The following CCDC73 variants were observed in gnomAD, a reference collection of about 807,000 sequenced individuals.
The protein encoded by CCDC73 is coiled-coil domain-containing protein 73.
A neutral mutation model predicts 116.5 loss-of-function variants in CCDC73; 95 were observed. That is an observed-to-expected ratio of 0.82 (90% confidence interval 0.69 to 0.97). CCDC73 has a LOEUF of 0.97. CCDC73 is among the 50% of genes least tolerant of loss of function. CCDC73 has a pLI of 0.00. For synonymous variants in CCDC73, 398 were observed against 401.3 expected, an observed-to-expected ratio of 0.99 and a Z score of 0.10; for missense variants, 1,066 against 1,206.8, an observed-to-expected ratio of 0.88 and a Z score of 1.73.
At chr11:32,781,799 T>C (rs1441482081) in intron 1 of CCDC73, among the ~76,000 whole-genome samples, 1 of 152,206 alleles carries the variant, frequency 6.6e-6, no homozygotes, top group Non-Finnish European at 1.5e-5. Context: ...CAGATAGCTC[T>C]TGAGGCAGCA....
chr11:32,773,423 C>A (rs1202371602), intron 1 of CCDC73, among the ~76,000 whole-genome samples: 1 of 151,958 alleles, frequency 6.6e-6, no homozygotes, highest in Non-Finnish European at 1.5e-5. Context: ...ATGAGTCAAC[C>A]ATATGATATG....
At chr11:32,653,803 T>C (rs962261375) in intron 11 of CCDC73, among the ~76,000 whole-genome samples, 175 bp downstream of exon 11, 9 of 152,094 alleles carry the variant, frequency 5.9e-5, no homozygotes, top group Non-Finnish European at 1.0e-4. Context: ...AGGAAAAAAC[T>C]AAGGTATTTT....
chr11:32,721,276 C>T (rs1351549423), intron 2 of CCDC73, among the ~76,000 whole-genome samples: 4 of 152,104 alleles, frequency 2.6e-5, no homozygotes. Context: ...CTGCCTGCCT[C>T]GGCCTCCCAA....
the CCDC73 span, among the ~76,000 whole-genome samples, chr11:32,807,364 C>A: frequency 6.6e-6 from 1 of 152,310 alleles, no homozygotes; most frequent in African/African-American, 2.4e-5. Flanking sequence ...AAAGGAAAAT[C>A]TCTAGACCCA....
At position 32,614,837 on chromosome 11, in the gene CCDC73, T is replaced by G. The variant is rs969847284; in HGVS notation, c.1481A>C (p.Lys494Thr). 2.0e-5 allele frequency: 32 copies of G among 1,613,118 alleles called. No individual in the cohort carries two copies. Among genetic ancestry groups the G allele is most frequent in the Non-Finnish European group, 2.7e-5 (32 of 1,179,540 alleles). ...GGTTTGTCCTTGACTAATTACTTCTTTATCTAAGGAGAGGGTTTTGCTTAA... is the reference window on the plus strand; with the variant it reads ...GGTTTGTCCTTGACTAATTACTTCTGTATCTAAGGAGAGGGTTTTGCTTAA... ...ISLSKTLSLD[K>T]EVISQGQTSN... The change falls in exon 16 of 18, where the codon AAA becomes ACA. Residue 494 changes from lysine to threonine, a missense_variant. Lys to Thr is a moderately conservative substitution (Grantham distance 78, BLOSUM62 -1). Coordinates refer to ENST00000335185, the MANE Select transcript of CCDC73 (RefSeq NM_001008391.4).
At chr11:32,663,084 A>C (rs936826908) in intron 9 of CCDC73, among the ~76,000 whole-genome samples, 35 of 152,288 alleles carry the variant, frequency 2.3e-4, no homozygotes, top group African/African-American at 7.2e-4. Flanking sequence ...TGTTTTGGTT[A>C]CTGTAGCCTT....
intron 5 of CCDC73, among the ~76,000 whole-genome samples, chr11:32,699,861 C>T (rs1183157576): frequency 3.4e-5 from 4 of 116,704 alleles, no homozygotes; most frequent in South Asian, 3.1e-4. Context: ...CACATGTACC[C>T]TAGAACTTAG....
chr11:32,683,229 C>T lies in CCDC73; in HGVS notation c.429+307G>A, dbSNP rs572588548. The T allele has an allele frequency of 7.9e-4, 272 of 345,130 alleles. 1 individual carries two copies. Among genetic ancestry groups the T allele is most frequent in the African/African-American group, 5.6e-3 (257 of 45,506 alleles). 21.4% of individuals were successfully genotyped at this position (345,130 alleles called of 1,614,324 possible). A position where few individuals can be genotyped will look rare whatever the true frequency, so the allele number is the denominator to read the frequency against. ...CTAAAGTCCAAAATACTCCAATGAG[C>T]ATTTTCTTAGAGCATCATGTTGACA... On this transcript the variant is annotated intron_variant, in intron 7 of 17. Transcript: ENST00000335185.
chr11:32,666,547 G>A (rs766874857), intron 9 of CCDC73, among the ~76,000 whole-genome samples: 1 of 152,106 alleles, frequency 6.6e-6, no homozygotes, highest in Non-Finnish European at 1.5e-5. Context: ...GGTTATTCTA[G>A]TTAGCCATTC....
upstream of CCDC73, among the ~76,000 whole-genome samples, chr11:32,798,343 G>A (rs1850740641): frequency 6.6e-6 from 1 of 152,252 alleles, no homozygotes; most frequent in South Asian, 2.1e-4. Flanking sequence ...ACGCAGGCTG[G>A]AGTGCAGTGG....
At chr11:32,829,855 C>A in the CCDC73 span, 1 of 985,422 alleles carries the variant, frequency 1.0e-6, no homozygotes, top group Non-Finnish European at 1.2e-6. Flanking sequence ...CCCGCCCGCT[C>A]GCCGCAGGTA....
intron 3 of CCDC73, among the ~76,000 whole-genome samples, chr11:32,707,492 T>C (rs927181964): frequency 2.0e-5 from 3 of 152,042 alleles, no homozygotes; most frequent in African/African-American, 7.2e-5. Flanking sequence ...GTCAAAAATT[T>C]ACCTGGATAG....
At chr11:32,776,933 A>AT (rs1333197939) in intron 1 of CCDC73, among the ~76,000 whole-genome samples, 52 of 26,676 alleles carry the variant, frequency 1.9e-3, no homozygotes, top group South Asian at 0.01. Context: ...GTTAAAAAAA[A>AT]AAAATATATA....
At chr11:32,679,906 C>T (rs956354536) in intron 7 of CCDC73, 1 of 152,202 alleles carries the variant, frequency 6.6e-6, no homozygotes, top group Non-Finnish European at 1.5e-5. Context: ...TTCTGATACA[C>T]TCTTCCAACA....
chr11:32,732,926 C>G (rs1199312030), intron 2 of CCDC73, among the ~76,000 whole-genome samples: 1 of 152,106 alleles, frequency 6.6e-6, no homozygotes, highest in Non-Finnish European at 1.5e-5. Context: ...TGACATTAAC[C>G]TTAAATGTAA....
At chr11:32,657,835 T>C (rs535002414) in intron 9 of CCDC73, among the ~76,000 whole-genome samples, 1 of 152,066 alleles carries the variant, frequency 6.6e-6, no homozygotes, top group African/African-American at 2.4e-5. Context: ...ACCCTGTCTC[T>C]AAATAAATAA....
intron 12 of CCDC73, among the ~76,000 whole-genome samples, chr11:32,651,282 C>T (rs925778803): frequency 6.6e-6 from 1 of 152,154 alleles, no homozygotes; most frequent in African/African-American, 2.4e-5. Context: ...CTGCAGACCC[C>T]CACCAAGTCA....
intron 9 of CCDC73, among the ~76,000 whole-genome samples, chr11:32,669,771 ATGT>A (rs1856019427): frequency 6.6e-6 from 1 of 152,172 alleles, no homozygotes; most frequent in South Asian, 2.1e-4. Context: ...AGTTCTATCC[ATGT>A]TTTTGCAAAT....
intron 14 of CCDC73, among the ~76,000 whole-genome samples, chr11:32,635,480 T>C (rs968867610): frequency 5.3e-5 from 8 of 152,236 alleles, no homozygotes; most frequent in Admixed American, 5.2e-4. Context: ...TCGACAAATA[T>C]TTGTGCTGGG....
Sources: allele counts gnomAD v4.1 joint callset (sites outside exome capture counted in the v4.1 genomes callset), GRCh38; gene constraint gnomAD v4.1.1; transcripts MANE v1.5; gene names NCBI Gene and HGNC (gene_info 2026-07-23, HGNC 2026-07-21).